RIC3: variants seen among roughly 807,000 people sequenced by gnomAD.
The protein encoded by RIC3 is RIC3 acetylcholine receptor chaperone.
In RIC3, 28 loss-of-function variants were observed where a neutral mutation model predicts 27.3. The observed-to-expected ratio is 1.02, with a 90% CI of 0.76 to 1.41. The LOEUF (loss-of-function observed/expected upper bound fraction) is 1.41, where lower values mean the gene tolerates loss of function less well. Among genes scored for constraint, RIC3 ranks in the 40% most tolerant of loss-of-function variants. The probability of loss-of-function intolerance (pLI) is 0.00; values close to 1 mark genes in which losing one functional copy is unlikely to be tolerated. For missense variants in RIC3, 501 were observed against 444.7 expected, an observed-to-expected ratio of 1.13 and a Z score of -1.14; for synonymous variants, 184 against 160.4, an observed-to-expected ratio of 1.15 and a Z score of -1.11.
At chr11:8,168,625 G>A (rs1415484102) in intron 1 of RIC3, among the ~76,000 whole-genome samples, 1 of 152,214 alleles carries the variant, frequency 6.6e-6, no homozygotes. Flanking sequence ...CCTAGAGGAT[G>A]CACAGACCTG....
chr11:8,125,756 C>T (rs758532356), intron 5 of RIC3, among the ~76,000 whole-genome samples: 4 of 152,126 alleles, frequency 2.6e-5, no homozygotes, highest in Admixed American at 6.5e-5. Context: ...GGTGGCCGGG[C>T]GCGGTGGCCC....
intron 4 of RIC3, among the ~76,000 whole-genome samples, chr11:8,134,752 A>G (rs1430318507): frequency 2.0e-5 from 3 of 152,086 alleles, no homozygotes. Context: ...GCCAGTGATG[A>G]TGAGCATTTT....
At chr11:8,144,779 C>T (rs1590277927) in intron 1 of RIC3, among the ~76,000 whole-genome samples, 3 of 151,564 alleles carry the variant, frequency 2.0e-5, no homozygotes, top group Admixed American at 6.6e-5. Flanking sequence ...TGGAACCAAC[C>T]CAAATGTCCA....
intron 4 of RIC3, among the ~76,000 whole-genome samples, chr11:8,129,367 T>C (rs575972704): frequency 4.6e-5 from 7 of 152,212 alleles, no homozygotes; most frequent in South Asian, 2.1e-4. Flanking sequence ...ATCACCTCTA[T>C]AGAAAAGATG....
At chr11:8,097,531 C>T in the RIC3 span, 1 of 1,489,104 alleles carries the variant, frequency 6.7e-7, no homozygotes, top group South Asian at 1.2e-5. Context: ...CCTCTCAGTT[C>T]CTCAAAGAAA....
At chr11:8,096,573 T>C in the RIC3 span, 1 of 749,904 alleles carries the variant, frequency 1.3e-6, no homozygotes, top group South Asian at 1.5e-5. Flanking sequence ...GTGCATAAGT[T>C]TGTGGGGGTA....
intron 1 of RIC3, among the ~76,000 whole-genome samples, chr11:8,144,597 T>A (rs1462295685): frequency 2.1e-4 from 30 of 146,316 alleles, no homozygotes; most frequent in South Asian, 8.9e-4. Context: ...GTAAACTAGT[T>A]CAACCATTGT....
chr11:8,120,328 G>A (rs921086438), intron 5 of RIC3, among the ~76,000 whole-genome samples: 1 of 152,116 alleles, frequency 6.6e-6, no homozygotes, highest in African/African-American at 2.4e-5. Flanking sequence ...AAGAAAATGT[G>A]GCATATATAC....
chr11:8,156,909 T>C (rs1378780971), intron 1 of RIC3, among the ~76,000 whole-genome samples: 1 of 152,172 alleles, frequency 6.6e-6, no homozygotes, highest in Non-Finnish European at 1.5e-5. Flanking sequence ...CAAAAACAGG[T>C]AACATTTTCC....
At chr11:8,154,347 T>C (rs560176485) in intron 1 of RIC3, among the ~76,000 whole-genome samples, 279 of 152,316 alleles carry the variant, frequency 1.8e-3, no homozygotes, top group African/African-American at 6.4e-3. Context: ...AAACAACATA[T>C]AATATTGCCT....
rs764404641 is a variant in RIC3 at position 8,110,817 on chromosome 11, C to G, written c.991G>C (p.Glu331Gln). 1.9e-6 allele frequency: 3 copies of G among 1,614,234 alleles called. No individual in the cohort carries two copies. The highest frequency in any genetic ancestry group is 2.5e-6 in the Non-Finnish European group (3 of 1,180,044). ...GFSADSYPEQ[E>Q]ETTKEEWSQD... The stretch of plus-strand genomic sequence containing the variant: ...GACCACTCTTCTTTGGTGGTTTCCT[C>G]TTGCTCAGGGTAGCTATCTGCACTG... Residue 331 changes from glutamate to glutamine, a missense_variant, in exon 6 of 6, where the codon GAG (glutamate) becomes CAG (glutamine). Physicochemically the swap from Glu to Gln is conservative, Grantham distance 29 (BLOSUM62 2). Coordinates refer to ENST00000309737, the MANE Select transcript of RIC3 (RefSeq NM_001206671.4).
At position 8,110,600 on chromosome 11, in the gene RIC3, A is replaced by G. The variant is rs758040963; in HGVS notation, c.*98T>C. 2.9e-6 allele frequency: 3 copies of G among 1,050,934 alleles called. No individual in the cohort carries two copies. Among genetic ancestry groups the G allele is most frequent in the Admixed American group, 1.7e-5 (1 of 58,972 alleles). The allele number at this position is 1,050,934 out of a possible 1,614,324, so 65.1% of individuals were successfully genotyped here. A position where few individuals can be genotyped will look rare whatever the true frequency, so the allele number is the denominator to read the frequency against. ...GGCCTGATAGCTATGACACTTGAAC[A>G]CAGTGAAGAAAGTGCAGGGCACAGG... On this transcript the variant is annotated 3_prime_UTR_variant, in exon 6 of 6. Transcript: ENST00000309737.
At chr11:8,167,784 AAG>A (rs773796422) in intron 1 of RIC3, among the ~76,000 whole-genome samples, 5 of 152,224 alleles carry the variant, frequency 3.3e-5, no homozygotes, top group Non-Finnish European at 5.9e-5. Flanking sequence ...AGGAAAAAAA[AAG>A]AACAAATACG....
chr11:8,151,529 T>C (rs1590332683), intron 1 of RIC3, among the ~76,000 whole-genome samples: 1 of 131,546 alleles, frequency 7.6e-6, no homozygotes, highest in Non-Finnish European at 1.5e-5. Flanking sequence ...GAGCTTGCAG[T>C]GAGTCGAGAT....
At chr11:8,157,740 T>A (rs955496326) in intron 1 of RIC3, among the ~76,000 whole-genome samples, 1 of 152,194 alleles carries the variant, frequency 6.6e-6, no homozygotes, top group African/African-American at 2.4e-5. Context: ...CTAAAAATAG[T>A]TTTTTACTTC....
At chr11:8,152,315 C>G (rs555016178) in intron 1 of RIC3, among the ~76,000 whole-genome samples, 1 of 152,284 alleles carries the variant, frequency 6.6e-6, no homozygotes, top group South Asian at 2.1e-4. Context: ...TTCATAGTAT[C>G]TAAATGTCCA....
intron 4 of RIC3, among the ~76,000 whole-genome samples, chr11:8,133,752 A>G (rs1017309264): frequency 4.6e-5 from 7 of 152,214 alleles, no homozygotes; most frequent in Non-Finnish European, 8.8e-5. Flanking sequence ...TAAATCTGGG[A>G]TGAAGAGGAC....
intron 1 of RIC3, among the ~76,000 whole-genome samples, chr11:8,146,204 C>G (rs1949660424): frequency 6.6e-6 from 1 of 152,184 alleles, no homozygotes; most frequent in Non-Finnish European, 1.5e-5. Flanking sequence ...ATATGGAATT[C>G]TACATAGCTT....
downstream of RIC3, chr11:8,104,536 G>A (rs1026181491): frequency 8.5e-5 from 13 of 152,208 alleles, no homozygotes; most frequent in Non-Finnish European, 2.9e-5. Flanking sequence ...AGTAGGAAAG[G>A]AATAAGGATG....
Sources: allele counts gnomAD v4.1 joint callset (sites outside exome capture counted in the v4.1 genomes callset), GRCh38; gene constraint gnomAD v4.1.1; transcripts MANE v1.5; gene names NCBI Gene and HGNC (gene_info 2026-07-23, HGNC 2026-07-21).